Variants in ARHGAP6 observed in about 807,000 individuals in gnomAD.
The protein encoded by ARHGAP6 is rho GTPase-activating protein 6.
A neutral mutation model predicts 55.7 loss-of-function variants in ARHGAP6; 16 were observed. The ratio of observed to expected loss-of-function variants is 0.29; its 90% CI spans 0.19 to 0.44. ARHGAP6 has a LOEUF of 0.44. ARHGAP6 is among the 20% of genes least tolerant of loss of function. The pLI, the probability that ARHGAP6 is intolerant of heterozygous loss-of-function variation, is 1.00. For missense variants in ARHGAP6, 698 were observed against 808.9 expected (o/e 0.86, Z 1.66); for synonymous variants, 382 against 360.9 (o/e 1.06, Z -0.66).
chrX:11,281,894 T>A (rs1167521683), intron 1 of ARHGAP6, among the ~76,000 whole-genome samples: 1 of 112,123 alleles, frequency 8.9e-6, no homozygotes, highest in Non-Finnish European at 1.9e-5. Context: ...TATTTCATCA[T>A]CCATGAAGAT....
intron 5 of ARHGAP6, among the ~76,000 whole-genome samples, chrX:11,184,160 G>A (rs1357870416): frequency 8.9e-6 from 1 of 112,171 alleles, no homozygotes; most frequent in Non-Finnish European, 1.9e-5. Context: ...ATTTGGGGGA[G>A]GTCACTTTGC....
chrX:11,503,246 G>A (rs1279540559), intron 1 of ARHGAP6, among the ~76,000 whole-genome samples: 2 of 111,204 alleles, frequency 1.8e-5, no homozygotes, highest in Non-Finnish European at 3.8e-5. Flanking sequence ...ACCCCTCATT[G>A]TTCAAGGATC....
chrX:11,457,571 T>C (rs936075365), intron 1 of ARHGAP6, among the ~76,000 whole-genome samples: 3 of 111,599 alleles, frequency 2.7e-5, no homozygotes, highest in African/African-American at 9.8e-5. Flanking sequence ...GTTCACAAGA[T>C]GTTAGAAATG....
chrX:11,230,117 T>A (rs1378120791), intron 2 of ARHGAP6, among the ~76,000 whole-genome samples: 1 of 112,315 alleles, frequency 8.9e-6, no homozygotes, highest in East Asian at 2.8e-4. Context: ...TTATACATAC[T>A]GGGCTATCTG....
At chrX:11,329,019 G>A (rs1056316948) in intron 1 of ARHGAP6, among the ~76,000 whole-genome samples, 1 of 112,150 alleles carries the variant, frequency 8.9e-6, no homozygotes, top group African/African-American at 3.2e-5. Flanking sequence ...AGGTATTATG[G>A]TGACTCATTA....
At chrX:11,330,695 A>G (rs1026472194) in intron 1 of ARHGAP6, among the ~76,000 whole-genome samples, 3 of 112,017 alleles carry the variant, frequency 2.7e-5, no homozygotes, top group African/African-American at 9.7e-5. Flanking sequence ...CATTTCACAG[A>G]TATTTAATAG....
chrX:11,428,553 A>C (rs2049912693), intron 1 of ARHGAP6, among the ~76,000 whole-genome samples: 1 of 112,038 alleles, frequency 8.9e-6, no homozygotes, highest in East Asian at 2.8e-4. Flanking sequence ...CTGGGGCCAG[A>C]GTAGAGACTC....
intron 4 of ARHGAP6, 62 bp from the exon 5 acceptor site, chrX:11,186,493 A>G (rs976803457): frequency 2.2e-6 from 2 of 912,808 alleles, no homozygotes; most frequent in Admixed American, 4.8e-5. Flanking sequence ...AGCTGCCCCC[A>G]GATGCTAACC....
At chrX:11,279,731 A>G (rs757933839) in intron 1 of ARHGAP6, among the ~76,000 whole-genome samples, 9 of 111,143 alleles carry the variant, frequency 8.1e-5, no homozygotes, top group Non-Finnish European at 1.5e-4. Context: ...TTTTTTGCCA[A>G]AGACTATGCC....
Position 11,138,903 on chromosome X carries a change from G to C in ARHGAP6, c.2885C>G (p.Ser962Trp). Residue 962 changes from serine (S) to tryptophan (W), a missense_variant, in exon 13 of 13, where the codon TCG (serine) becomes TGG (tryptophan). By Grantham distance (177) the Ser-to-Trp change is radical (BLOSUM62 -3). This residue lies in a region of ARHGAP6 where 212 missense variants were observed against 208.7 expected (regional missense o/e 1.02). Transcript: ENST00000337414. ...GGGCAGGGCATCGGGGTTGTCGGTC[G>C]ACAGGAGCTCCCAGATCTGCCAGCG... Reference protein sequence around the residue: ...RERWQIWELLSTDNPDALPET... With the variant: ...RERWQIWELLWTDNPDALPET... 1 of 1,187,279 alleles carries C rather than the reference G, an allele frequency of 8.4e-7. No individual in the cohort carries two copies. Among genetic ancestry groups the C allele is most frequent in the Non-Finnish European group, 1.1e-6 (1 of 888,479 alleles).
At chrX:11,584,973 T>C (rs779198170) in intron 1 of ARHGAP6, among the ~76,000 whole-genome samples, 20 of 112,014 alleles carry the variant, frequency 1.8e-4, no homozygotes, top group Non-Finnish European at 3.0e-4. Context: ...GTTGTTCCCC[T>C]CTATGTGTCC....
intron 1 of ARHGAP6, chrX:11,296,646 T>C: frequency 1.3e-6 from 1 of 760,633 alleles, no homozygotes; most frequent in Admixed American, 2.7e-5. Context: ...ACTATATAGA[T>C]TTTTTTAAAG....
intron 1 of ARHGAP6, among the ~76,000 whole-genome samples, chrX:11,295,371 T>G (rs146067760): frequency 4.5e-5 from 5 of 111,468 alleles, no homozygotes; most frequent in African/African-American, 1.6e-4. Flanking sequence ...CCCCACCCCT[T>G]TGGGTACATC....
intron 8 of ARHGAP6, among the ~76,000 whole-genome samples, chrX:11,176,300 C>CAT (rs59647126): frequency 0.014 from 212 of 15,523 alleles, 9 homozygotes; most frequent in East Asian, 0.022. Context: ...TATTTGCATG[C>CAT]ATATATATAT....
chrX:11,377,548 G>T lies in ARHGAP6; in HGVS notation c.589-122841C>A, dbSNP rs183813923. 1.5e-4 allele frequency among the ~76,000 whole-genome samples: 17 copies of T among 112,318 alleles called. No homozygotes were observed. In the East Asian group the frequency reaches 4.5e-3, roughly 29 times the overall value. On this transcript the variant is annotated intron_variant, in intron 1 of 12. Transcript: ENST00000337414. ...GTTGTACACTTTAAATCAGTTAATTGTATGGTATGTGAATCAGAGCTCAAT... is the reference window on the plus strand; with the variant it reads ...GTTGTACACTTTAAATCAGTTAATTTTATGGTATGTGAATCAGAGCTCAAT...
At chrX:11,294,878 A>G (rs749844204) in intron 1 of ARHGAP6, 1 of 1,197,129 alleles carries the variant, frequency 8.4e-7, no homozygotes, top group African/African-American at 1.8e-5. Context: ...TCAGTGTCCA[A>G]TTTCACAAAC....
At chrX:11,387,701 C>T (rs765892524) in intron 1 of ARHGAP6, among the ~76,000 whole-genome samples, 38 of 111,048 alleles carry the variant, frequency 3.4e-4, no homozygotes, top group African/African-American at 9.2e-4. Context: ...TATCCCTCCC[C>T]GCTTCCCCCA....
intron 1 of ARHGAP6, among the ~76,000 whole-genome samples, chrX:11,572,735 C>A (rs1260250056): frequency 8.9e-6 from 1 of 111,788 alleles, no homozygotes; most frequent in African/African-American, 3.3e-5. Flanking sequence ...AATGGTATTT[C>A]TAGTTCTAGA....
At chrX:11,660,518 C>T (rs367966849) in intron 1 of ARHGAP6, among the ~76,000 whole-genome samples, 10 of 65,960 alleles carry the variant, frequency 1.5e-4, no homozygotes, top group African/African-American at 6.1e-4. Flanking sequence ...CAGGGTGAGA[C>T]TCTCTCTCTC....
Sources: allele counts gnomAD v4.1 joint callset (sites outside exome capture counted in the v4.1 genomes callset), GRCh38; gene constraint gnomAD v4.1.1; regional missense constraint gnomAD v4.1.1; transcripts MANE v1.5; gene names NCBI Gene and HGNC (gene_info 2026-07-23, HGNC 2026-07-21).